SSR1: variants seen among roughly 807,000 people sequenced by gnomAD.
SSR1 encodes signal sequence receptor subunit 1, also known as translocon-associated protein subunit alpha.
Under a neutral mutation model 36.1 loss-of-function variants are expected in SSR1, and 13 were observed. The observed-to-expected ratio is 0.36, with a 90% CI of 0.23 to 0.57. The LOEUF (loss-of-function observed/expected upper bound fraction) is 0.57, where lower values mean the gene tolerates loss of function less well. Among genes scored for constraint, SSR1 ranks in the 20% least tolerant of loss-of-function variants. The pLI is 0.81. For synonymous variants in SSR1, 113 were observed against 118.9 expected (o/e 0.95, Z 0.32); for missense variants, 291 against 338.5 (o/e 0.86, Z 1.10).
rs1163968202 is a variant in SSR1, at chr6:7,304,134, G to T, written c.193-497C>A. On this transcript the variant is annotated intron_variant, in intron 2 of 7. Coordinates refer to ENST00000244763, the MANE Select transcript of SSR1 (RefSeq NM_003144.5). ...CTACCAATTCTTTGGGGATGTTGCA[G>T]ATCTAATTCAGGTCTAGGGCAAAGC... Among the ~76,000 whole-genome samples the T allele has an allele frequency of 3.9e-5, 6 of 152,180 alleles. No homozygotes were observed. In the South Asian group the frequency reaches 8.3e-4, roughly 21 times the overall value.
At position 7,284,282 on chromosome 6, in the gene SSR1, G is replaced by A. The variant is rs1757497220; in HGVS notation, c.*5582C>T. The A allele has an allele frequency of 6.6e-6, 1 of 152,136 alleles. No homozygotes were observed. The highest frequency in any genetic ancestry group is 2.1e-4 in the South Asian group (1 of 4,830). 9.4% of individuals were successfully genotyped at this position (152,136 alleles called of 1,614,324 possible). Reference sequence around the variant, plus strand: ...TTTTTAAAAAGAACTGGATGTGCAGGTGTAAGAGATTTATTACAAAACAAA... The same window carrying A: ...TTTTTAAAAAGAACTGGATGTGCAGATGTAAGAGATTTATTACAAAACAAA... On this transcript the variant is annotated 3_prime_UTR_variant, in exon 8 of 8. Coordinates refer to ENST00000244763, the MANE Select transcript of SSR1 (RefSeq NM_003144.5).
chr6:7,295,336 T>A, intron 7 of SSR1, 56 bp downstream of exon 7: 1 of 1,353,954 alleles, frequency 7.4e-7, no homozygotes. Flanking sequence ...AAATCTAAGG[T>A]ATTTAATTTC....
intron 7 of SSR1, among the ~76,000 whole-genome samples, chr6:7,291,833 C>T (rs941125097): frequency 1.3e-5 from 2 of 151,776 alleles, no homozygotes; most frequent in African/African-American, 2.4e-5. Flanking sequence ...GCACTTTGGG[C>T]GGCTGAGGTA....
At chr6:7,290,727 C>G (rs1442609761) in intron 7 of SSR1, among the ~76,000 whole-genome samples, 2 of 151,342 alleles carry the variant, frequency 1.3e-5, no homozygotes, top group African/African-American at 4.9e-5. Context: ...AAATAAAAAT[C>G]ATTTTTTCCA....
intron 5 of SSR1, 85 bp downstream of exon 5, chr6:7,298,662 T>C: frequency 1.0e-6 from 1 of 1,003,464 alleles, no homozygotes. Context: ...ATCGTCAACA[T>C]CTAAAACAAT....
intron 2 of SSR1, among the ~76,000 whole-genome samples, chr6:7,307,635 G>T (rs1435531924): frequency 1.3e-5 from 2 of 152,124 alleles, no homozygotes; most frequent in African/African-American, 4.8e-5. Context: ...CTGAACTTCT[G>T]GGCTCAAGTG....
chr6:7,312,487 A>T (rs1366238032), intron 1 of SSR1, among the ~76,000 whole-genome samples: 1 of 152,218 alleles, frequency 6.6e-6, no homozygotes, highest in African/African-American at 2.4e-5. Flanking sequence ...ATACGGGTCA[A>T]GCAGGGCGTG....
chr6:7,303,656 A>G lies in SSR1; in HGVS notation c.193-19T>C, dbSNP rs769862410. On this transcript the variant is annotated intron_variant, in intron 2 of 7. Coordinates refer to ENST00000244763, the MANE Select transcript of SSR1 (RefSeq NM_003144.5). ...CTTCTACCTAAGAAAAAGAACAATT[A>G]AGAGGAGATTACTATGGGAGAAAAA... is the stretch of plus-strand genomic sequence containing the variant. 6.4e-7 allele frequency: 1 copy of G among 1,559,316 alleles called. No homozygotes were observed. The highest frequency in any genetic ancestry group is 8.8e-7 in the Non-Finnish European group (1 of 1,137,106).
Position 7,310,061 on chromosome 6 carries a change from C to T in SSR1, c.80-32G>A, listed in dbSNP as rs373164023. ...ATAAAATACAGAAAAAGCAGTTACC[C>T]TTTACTCTGAAATACTAATTTCTTT... On this transcript the variant is annotated intron_variant, in intron 1 of 7. Transcript: ENST00000244763. 5.1e-5 allele frequency: 79 copies of T among 1,559,438 alleles called. 1 individual carries two copies. In the South Asian group the frequency reaches 8.3e-4, roughly 16 times the overall value.
chr6:7,300,728 C>T (rs551098729), intron 4 of SSR1, among the ~76,000 whole-genome samples: 3 of 152,186 alleles, frequency 2.0e-5, no homozygotes, highest in South Asian at 2.1e-4. Context: ...CTGCAACCTC[C>T]GCCTCCCAGG....
chr6:7,287,695 T>A lies in SSR1; in HGVS notation c.*2169A>T, dbSNP rs41302873. The A allele has an allele frequency of 6.6e-5, 10 of 152,606 alleles. No individual in the cohort carries two copies. The highest frequency in any genetic ancestry group is 1.2e-4 in the African/African-American group (5 of 41,464). The allele number at this position is 152,606 out of a possible 1,614,324, so 9.5% of individuals were successfully genotyped here. ...GTTCAAAAGATGAATTCTGAAAACA[T>A]AGTTGGTGTAGCAAATGAATATATC... On this transcript the variant is annotated 3_prime_UTR_variant, in exon 8 of 8. Transcript: ENST00000244763.
At position 7,291,831 on chromosome 6, in the gene SSR1, G is replaced by A. The variant is rs375738956; in HGVS notation, c.794-1900C>T. On this transcript the variant is annotated intron_variant, in intron 7 of 7. Transcript: ENST00000244763. ...TCACACCTATAATCCCAGCACTTTG[G>A]GCGGCTGAGGTAGACAGATCACTTG... is the stretch of plus-strand genomic sequence containing the variant. Among the ~76,000 whole-genome samples the A allele has an allele frequency of 2.3e-3, 344 of 152,196 alleles. 5 individuals carry two copies. The South Asian group carries it at 0.027, about 12-fold the overall frequency.
rs574994321 is a variant in SSR1 at position 7,304,914 on chromosome 6, T to C, written c.193-1277A>G. On this transcript the variant is annotated intron_variant, in intron 2 of 7. Transcript: ENST00000244763. ...TTAAAATCCTCCACCATCCAGCTCA[T>C]GCACTTAAGAGAGAGTGCACTCAAA... Among the ~76,000 whole-genome samples the C allele has an allele frequency of 6.6e-5, 10 of 152,348 alleles. No homozygotes were observed. In the South Asian group the frequency reaches 1.7e-3, roughly 25 times the overall value.
intron 7 of SSR1, among the ~76,000 whole-genome samples, chr6:7,291,237 A>G (rs1581626727): frequency 6.6e-6 from 1 of 151,948 alleles, no homozygotes; most frequent in Non-Finnish European, 1.5e-5. Context: ...CATCTCTACT[A>G]AACTATAAAA....
At chr6:7,301,165 G>A (rs551305994) in intron 4 of SSR1, 145 bp downstream of exon 4, 15 of 987,116 alleles carry the variant, frequency 1.5e-5, no homozygotes, top group Non-Finnish European at 1.6e-5. Context: ...AAGAAGAAAC[G>A]TGCAATTTAT....
rs1265001180 is a variant in SSR1 at position 7,288,162 on chromosome 6, G to C, written c.*1702C>G. ...CACCTTACTGTATCATGCCCTAGTA[G>C]TTTCACAAACTTAGATATTCACAAA... On this transcript the variant is annotated 3_prime_UTR_variant, in exon 8 of 8. Transcript: ENST00000244763. The C allele has an allele frequency of 6.6e-6, 1 of 152,132 alleles. No individual in the cohort carries two copies. Among genetic ancestry groups the C allele is most frequent in the Non-Finnish European group, 1.5e-5 (1 of 68,020 alleles). The allele number at this position is 152,132 out of a possible 1,614,324, so 9.4% of individuals were successfully genotyped here. A position where few individuals can be genotyped will look rare whatever the true frequency, so the allele number is the denominator to read the frequency against.
intron 7 of SSR1, among the ~76,000 whole-genome samples, chr6:7,291,414 A>C (rs1318273800): frequency 6.6e-6 from 1 of 152,116 alleles, no homozygotes; most frequent in East Asian, 1.9e-4. Context: ...AAATAAAAAA[A>C]GTTAAGGGCT....
chr6:7,295,057 C>CA, intron 7 of SSR1: 1 of 1,492,380 alleles, frequency 6.7e-7, no homozygotes, highest in Non-Finnish European at 8.8e-7. Flanking sequence ...AATTCTCTAG[C>CA]AAAAACCATT....
rs760706181 is a variant in SSR1, at chr6:7,295,458, T to C, written c.727A>G (p.Met243Val). Residue 243 changes from methionine to valine, a missense_variant, in exon 7 of 8, where the codon ATG (methionine) becomes GTG (valine). Physicochemically the swap from Met to Val is conservative, Grantham distance 21. Coordinates refer to ENST00000244763, the MANE Select transcript of SSR1 (RefSeq NM_003144.5). Reference sequence around the variant, plus strand: ...ACATCATTCTGACTTGATGTACCCATTTCTACTTTCTGTATGGGTCTCTTA... The same window carrying C: ...ACATCATTCTGACTTGATGTACCCACTTCTACTTTCTGTATGGGTCTCTTA... ...KRKRPIQKVE[M>V]GTSSQNDVDM... is the part of the protein sequence containing the mutation. 2 of 1,610,608 alleles carry C rather than the reference T, an allele frequency of 1.2e-6. No homozygotes were observed. The highest frequency in any genetic ancestry group is 1.7e-6 in the Non-Finnish European group (2 of 1,178,778).
Sources: gnomAD v4.1 joint callset for allele counts (sites outside exome capture counted in the v4.1 genomes callset) on GRCh38, gnomAD v4.1.1 for gene constraint, MANE v1.5 for transcripts, NCBI Gene and HGNC (gene_info 2026-07-23, HGNC 2026-07-21) for gene names.